The following LINGO2 variants were observed in gnomAD, a reference collection of about 807,000 sequenced individuals.
The protein encoded by LINGO2 is leucine-rich repeat and immunoglobulin-like domain-containing nogo receptor-interacting protein 2.
In LINGO2, 14 loss-of-function variants were observed where a neutral mutation model predicts 30.6. The ratio of observed to expected loss-of-function variants is 0.46; its 90% confidence interval spans 0.30 to 0.72. The LOEUF is 0.72. Ranked by LOEUF, LINGO2 falls within the 30% of genes least tolerant of loss-of-function variation. LINGO2 has a pLI of 0.07. For missense variants in LINGO2, 729 were observed against 751.7 expected (o/e 0.97, Z 0.35); for synonymous variants, 317 against 288.5 (o/e 1.10, Z -1.00).
At chr9:28,836,156 C>T in the LINGO2 span, among the ~76,000 whole-genome samples, 4 of 152,122 alleles carry the variant, frequency 2.6e-5, no homozygotes, top group Non-Finnish European at 5.9e-5. Flanking sequence ...AATTAATAAA[C>T]TGAAAAACAA....
intron 5 of LINGO2, among the ~76,000 whole-genome samples, chr9:27,953,618 CT>C (rs1371130821): frequency 3.9e-5 from 6 of 152,114 alleles, no homozygotes; most frequent in African/African-American, 1.4e-4. Flanking sequence ...TTATAAGGGG[CT>C]TTTCCCTCTT....
At chr9:28,916,476 C>T in the LINGO2 span, among the ~76,000 whole-genome samples, 2 of 151,424 alleles carry the variant, frequency 1.3e-5, no homozygotes, top group African/African-American at 2.4e-5. Context: ...TCCAAAACCT[C>T]TTATCTTAGT....
intron 3 of LINGO2, among the ~76,000 whole-genome samples, chr9:28,354,226 G>T (rs531625837): frequency 6.6e-6 from 1 of 152,150 alleles, no homozygotes; most frequent in East Asian, 1.9e-4. Context: ...TTAAATTTTG[G>T]CTTTTAAGGT....
chr9:29,138,229 C>A, the LINGO2 span, among the ~76,000 whole-genome samples: 2 of 152,024 alleles, frequency 1.3e-5, no homozygotes, highest in Non-Finnish European at 2.9e-5. Context: ...GTACAATTAA[C>A]ACAGTCAATA....
chr9:28,285,641 G>A (rs948378558), intron 4 of LINGO2, among the ~76,000 whole-genome samples: 9 of 151,812 alleles, frequency 5.9e-5, no homozygotes, highest in South Asian at 2.1e-4. Flanking sequence ...TCCTGACCTC[G>A]TGATCTGCCT....
At position 28,501,521 on chromosome 9, in the gene LINGO2, G is replaced by A. The variant is rs75923108; in HGVS notation, c.-364-25496C>T. 2.7e-3 allele frequency among the ~76,000 whole-genome samples: 409 copies of A among 152,230 alleles called. 2 individuals carry two copies. The highest frequency in any genetic ancestry group is 5.4e-3 in the Admixed American group (83 of 15,282). ...CACTGCAAGTAAAAATAGATCTAAA[G>A]TGCCAAAAGTAATTCTAAAAATATC... On this transcript the variant is annotated intron_variant, in intron 1 of 5. Coordinates refer to ENST00000379992, the Ensembl canonical transcript of LINGO2.
At chr9:28,737,176 AACAG>A in the LINGO2 span, among the ~76,000 whole-genome samples, 25 of 152,192 alleles carry the variant, frequency 1.6e-4, no homozygotes, top group Non-Finnish European at 2.9e-4. Context: ...AAAGGTCATA[AACAG>A]ACAGAGTGAA....
At chr9:28,019,743 A>C (rs1823021866) in intron 4 of LINGO2, among the ~76,000 whole-genome samples, 1 of 152,170 alleles carries the variant, frequency 6.6e-6, no homozygotes, top group South Asian at 2.1e-4. Flanking sequence ...TTTTCTAAAA[A>C]TAATGTATAT....
chr9:28,706,082 T>C, the LINGO2 span, among the ~76,000 whole-genome samples: 3 of 152,122 alleles, frequency 2.0e-5, no homozygotes, highest in Non-Finnish European at 1.5e-5. Flanking sequence ...CTGTATACCA[T>C]TGATTTTGTA....
intron 4 of LINGO2, among the ~76,000 whole-genome samples, chr9:28,036,970 AGT>A (rs1444000410): frequency 1.3e-5 from 2 of 152,226 alleles, no homozygotes; most frequent in African/African-American, 4.8e-5. Flanking sequence ...AAGTGAGACA[AGT>A]GTAACATTTA....
the LINGO2 span, among the ~76,000 whole-genome samples, chr9:29,098,618 G>A: frequency 1.7e-4 from 26 of 152,228 alleles, no homozygotes; most frequent in Admixed American, 1.4e-3. Context: ...TGGATGGAGT[G>A]TGTAATATAG....
chr9:28,883,748 G>A, the LINGO2 span, among the ~76,000 whole-genome samples: 1 of 147,142 alleles, frequency 6.8e-6, no homozygotes, highest in East Asian at 2.0e-4. Flanking sequence ...CATGATCTGA[G>A]CTCACTGCAA....
At chr9:28,114,642 A>G (rs199813061) in intron 4 of LINGO2, among the ~76,000 whole-genome samples, 5 of 74,012 alleles carry the variant, frequency 6.8e-5, no homozygotes, top group Non-Finnish European at 1.0e-4. Context: ...TAGTCTTGGG[A>G]GAGTGTATGT....
At chr9:29,068,435 C>G in the LINGO2 span, among the ~76,000 whole-genome samples, 1 of 151,426 alleles carries the variant, frequency 6.6e-6, no homozygotes, top group Non-Finnish European at 1.5e-5. Flanking sequence ...GCAATATAAA[C>G]CTCCTTCATT....
intron 1 of LINGO2, among the ~76,000 whole-genome samples, chr9:28,663,777 C>A (rs867328284): frequency 2.0e-5 from 3 of 151,998 alleles, no homozygotes; most frequent in Non-Finnish European, 4.4e-5. Context: ...CCCTGTCTGC[C>A]GTATGCTGAA....
Position 27,978,032 on chromosome 9 carries a change from T to C in LINGO2, c.-35-27326A>G, listed in dbSNP as rs150641645. 3.8e-3 allele frequency among the ~76,000 whole-genome samples: 578 copies of C among 152,106 alleles called. 3 individuals carry two copies. Among genetic ancestry groups the C allele is most frequent in the African/African-American group, 0.011 (456 of 41,534 alleles). On this transcript the variant is annotated intron_variant, in intron 5 of 5. Transcript: ENST00000379992. ...TGGCTCGACTGCTCTTAGCTGCCTC[T>C]TGCTGAATGATGTCACTGGAAAGGA...
chr9:28,466,099 A>G (rs1036941044), intron 2 of LINGO2, among the ~76,000 whole-genome samples: 2 of 152,156 alleles, frequency 1.3e-5, no homozygotes, highest in Non-Finnish European at 2.9e-5. Context: ...TAATCCAGCT[A>G]TTCCACTGCT....
At chr9:28,190,265 T>C (rs1281255203) in intron 4 of LINGO2, among the ~76,000 whole-genome samples, 1 of 152,198 alleles carries the variant, frequency 6.6e-6, no homozygotes, top group African/African-American at 2.4e-5. Flanking sequence ...TATCTGTTTT[T>C]ATTTTTTTCT....
chr9:29,058,749 G>A, the LINGO2 span, among the ~76,000 whole-genome samples: 585 of 151,868 alleles, frequency 3.9e-3, 2 homozygotes, highest in African/African-American at 0.014. Flanking sequence ...TACAGGGAAG[G>A]AATGACAAGA....
Sources: gnomAD v4.1 joint callset for allele counts (sites outside exome capture counted in the v4.1 genomes callset) on GRCh38, gnomAD v4.1.1 for gene constraint, MANE v1.5 for transcripts, NCBI Gene and HGNC (gene_info 2026-07-23, HGNC 2026-07-21) for gene names.